The following ZNF385B variants were observed in gnomAD, a reference collection of about 807,000 sequenced individuals.
ZNF385B encodes the protein zinc finger protein 533.
A neutral mutation model predicts 39.2 loss-of-function variants in ZNF385B; 23 were observed. The ratio of observed to expected loss-of-function variants is 0.59; its 90% CI spans 0.42 to 0.83. The LOEUF (loss-of-function observed/expected upper bound fraction) is 0.83. ZNF385B is among the 40% of genes least tolerant of loss of function. The pLI is 0.00. For missense variants in ZNF385B, 552 were observed against 598.9 expected (o/e 0.92, Z 0.82); for synonymous variants, 205 against 222.6 (o/e 0.92, Z 0.70).
At chr2:179,563,124 C>A (rs1485730931) in intron 3 of ZNF385B, among the ~76,000 whole-genome samples, 2 of 152,130 alleles carry the variant, frequency 1.3e-5, no homozygotes, top group African/African-American at 4.8e-5. Flanking sequence ...CATCTCAACT[C>A]AAAAACCTAA....
chr2:179,518,422 A>G, intron 5 of ZNF385B, 106 bp downstream of exon 5: 1 of 813,308 alleles, frequency 1.2e-6, no homozygotes, highest in Non-Finnish European at 1.9e-6. Flanking sequence ...GGCTACCAAT[A>G]GGAGTGGCTG....
intron 4 of ZNF385B, among the ~76,000 whole-genome samples, chr2:179,540,640 C>G (rs992501241): frequency 6.6e-6 from 1 of 152,152 alleles, no homozygotes; most frequent in Non-Finnish European, 1.5e-5. Context: ...AACTGGGACC[C>G]TTTCCTCTCT....
At chr2:179,738,159 A>G (rs1376735172) in intron 3 of ZNF385B, among the ~76,000 whole-genome samples, 1 of 152,230 alleles carries the variant, frequency 6.6e-6, no homozygotes, top group African/African-American at 2.4e-5. Context: ...AGACTGCTCT[A>G]TTGGGAAGTT....
rs1216250114 is a variant in ZNF385B, at chr2:179,445,626, C to G, written c.1064G>C (p.Gly355Ala). Residue 355 changes from glycine to alanine, a missense_variant, in exon 8 of 10, where the codon GGG becomes GCG. Transcript: ENST00000410066. ...AAATGTCTTGTTCTGTAGTCCTGAC[C>G]CCTTACTGCCATTCTGCATCTTTAA... The part of the protein sequence containing the change: ...SRLKMQNGSK[G>A]SGLQNKTFHC... 31 of 1,613,800 alleles carry G rather than the reference C, an allele frequency of 1.9e-5. No individual in the cohort carries two copies. Among genetic ancestry groups the G allele is most frequent in the Non-Finnish European group, 2.5e-5 (29 of 1,179,928 alleles).
intron 3 of ZNF385B, among the ~76,000 whole-genome samples, chr2:179,695,398 G>A (rs1194450457): frequency 6.6e-6 from 1 of 151,922 alleles, no homozygotes; most frequent in Non-Finnish European, 1.5e-5. Flanking sequence ...AAAGTGAAAA[G>A]ACAACTCACA....
chr2:179,587,309 C>T (rs1687166293), intron 3 of ZNF385B, among the ~76,000 whole-genome samples: 2 of 152,090 alleles, frequency 1.3e-5, no homozygotes, highest in African/African-American at 4.8e-5. Flanking sequence ...ATTTATTTGG[C>T]TTCTAAAACA....
chr2:179,577,802 T>TA (rs5836686), intron 3 of ZNF385B, among the ~76,000 whole-genome samples: 148,058 of 150,040 alleles, frequency 0.99, 73,076 homozygotes, highest in East Asian at 1. Context: ...CTGTCTTTAC[T>TA]AAAAAAAAAT....
intron 6 of ZNF385B, among the ~76,000 whole-genome samples, chr2:179,453,548 T>C (rs1027409715): frequency 5.9e-5 from 9 of 152,160 alleles, no homozygotes; most frequent in African/African-American, 2.2e-4. Context: ...TGGGATTTCA[T>C]TCCCCAGTTA....
At chr2:179,754,543 C>T (rs1455664098) in intron 3 of ZNF385B, among the ~76,000 whole-genome samples, 1 of 152,150 alleles carries the variant, frequency 6.6e-6, no homozygotes, top group Non-Finnish European at 1.5e-5. Context: ...TAGAATTTGG[C>T]TGTAAATCCA....
rs549426525 is a variant in ZNF385B at position 179,632,100 on chromosome 2, T to C, written c.299-87131A>G. ...GACTTAGACTCCCACACAATAATAATGAGAGACTTTAACACCCCACTGTCA... is the reference window on the plus strand; with the variant it reads ...GACTTAGACTCCCACACAATAATAACGAGAGACTTTAACACCCCACTGTCA... On this transcript the variant is annotated intron_variant, in intron 3 of 9. Transcript: ENST00000410066. Among the ~76,000 whole-genome samples the C allele has an allele frequency of 2.4e-4, 37 of 152,202 alleles. 1 individual carries two copies. The highest frequency in any genetic ancestry group is 8.7e-4 in the African/African-American group (36 of 41,526).
chr2:179,707,496 C>A (rs1015018887), intron 3 of ZNF385B, among the ~76,000 whole-genome samples: 3 of 152,188 alleles, frequency 2.0e-5, no homozygotes, highest in Non-Finnish European at 4.4e-5. Context: ...AGGACATCCC[C>A]CAAGAATTAG....
In ZNF385B at chr2:179,568,493, T is replaced by C. The variant is rs576296804; in HGVS notation, c.299-23524A>G. 4.1e-4 allele frequency among the ~76,000 whole-genome samples: 62 copies of C among 152,352 alleles called. No homozygotes were observed. The South Asian group carries it at 0.012, about 30-fold the overall frequency. ...ACCATACTTTTCCAGCATTTTCAAA[T>C]GTGAAAATACAATTTTAGCATCAAA... is the stretch of plus-strand genomic sequence containing the variant. On this transcript the variant is annotated intron_variant, in intron 3 of 9. Transcript: ENST00000410066.
intron 3 of ZNF385B, among the ~76,000 whole-genome samples, chr2:179,751,396 A>G (rs549745959): frequency 6.6e-6 from 1 of 152,256 alleles, no homozygotes; most frequent in Non-Finnish European, 1.5e-5. Context: ...TCTTGTGGTA[A>G]TTCTGTGGTA....
chr2:179,563,743 A>G (rs1684211038), intron 3 of ZNF385B, among the ~76,000 whole-genome samples: 1 of 152,032 alleles, frequency 6.6e-6, no homozygotes, highest in South Asian at 2.1e-4. Flanking sequence ...CCAAATAACA[A>G]CTGGGCATTC....
chr2:179,644,788 C>T (rs532780229), intron 3 of ZNF385B, among the ~76,000 whole-genome samples: 2 of 152,200 alleles, frequency 1.3e-5, no homozygotes, highest in South Asian at 4.1e-4. Context: ...GCTGTGTCTC[C>T]TTTTTCTTAT....
At chr2:179,586,305 T>G (rs1194019074) in intron 3 of ZNF385B, among the ~76,000 whole-genome samples, 1 of 152,240 alleles carries the variant, frequency 6.6e-6, no homozygotes, top group Non-Finnish European at 1.5e-5. Context: ...CTTTTTTGCA[T>G]GCATTTGTTT....
intron 3 of ZNF385B, among the ~76,000 whole-genome samples, chr2:179,689,628 C>G (rs532341834): frequency 6.6e-6 from 1 of 152,264 alleles, no homozygotes; most frequent in Admixed American, 6.5e-5. Context: ...ATTTGCCCTT[C>G]TAGATCGAAT....
At chr2:179,460,300 G>C (rs2051184180) in intron 6 of ZNF385B, among the ~76,000 whole-genome samples, 1 of 152,048 alleles carries the variant, frequency 6.6e-6, no homozygotes, top group Non-Finnish European at 1.5e-5. Flanking sequence ...ATTCTCACAG[G>C]CTGGCTGTCC....
At chr2:179,553,100 A>G (rs1310468075) in intron 3 of ZNF385B, among the ~76,000 whole-genome samples, 1 of 148,972 alleles carries the variant, frequency 6.7e-6, no homozygotes, top group East Asian at 1.9e-4. Context: ...ACCAAATTGT[A>G]TAGGTGAAAA....
Sources: gnomAD v4.1 joint callset for allele counts (sites outside exome capture counted in the v4.1 genomes callset) on GRCh38, gnomAD v4.1.1 for gene constraint, MANE v1.5 for transcripts, NCBI Gene and HGNC (gene_info 2026-07-23, HGNC 2026-07-21) for gene names.